Variants in NFIC observed in about 807,000 individuals in gnomAD.
NFIC encodes nuclear factor I C, also known as nuclear factor 1 C-type.
Under a neutral mutation model 54.4 loss-of-function variants are expected in NFIC, and 12 were observed. That is an observed-to-expected ratio of 0.22 (90% CI 0.14 to 0.36). The LOEUF is 0.36. Ranked by LOEUF, NFIC falls within the 10% of genes least tolerant of loss-of-function variation. The pLI, the probability that NFIC is intolerant of heterozygous loss-of-function variation, is 1.00. For missense variants in NFIC, 575 were observed against 718.2 expected, an observed-to-expected ratio of 0.80 and a Z score of 2.28; for synonymous variants, 322 against 319.2, an observed-to-expected ratio of 1.01 and a Z score of -0.09.
At chr19:3,436,601 A>C (rs1386804810) in intron 6 of NFIC, among the ~76,000 whole-genome samples, 1 of 151,590 alleles carries the variant, frequency 6.6e-6, no homozygotes, top group Non-Finnish European at 1.5e-5. Flanking sequence ...CAGCCTCCCA[A>C]GTAGCTGGGA....
rs373133973 is a variant in NFIC at position 3,412,769 on chromosome 19, AATT to A, written c.563-12331_563-12329del. Among the ~76,000 whole-genome samples, 123 of 152,208 alleles carry A rather than the reference AATT, an allele frequency of 8.1e-4. 1 individual carries two copies. The East Asian group carries it at 0.023, about 28-fold the overall frequency. ...CATCCGTACATGCAGATGTCGTTATAATTATTATCAATGCTATTCTGTCACTCC... is the reference window on the plus strand; with the variant it reads ...CATCCGTACATGCAGATGTCGTTATAATTATCAATGCTATTCTGTCACTCC... On this transcript the variant is annotated intron_variant, in intron 2 of 10. Transcript: ENST00000443272.
chr19:3,362,547 CTG>C (rs1815827352), upstream of NFIC, among the ~76,000 whole-genome samples: 2 of 151,676 alleles, frequency 1.3e-5, no homozygotes. Context: ...GTGTATGTAG[CTG>C]TGTGTCGTGT....
chr19:3,430,732 G>T (rs1490164470), intron 3 of NFIC, among the ~76,000 whole-genome samples: 1 of 151,288 alleles, frequency 6.6e-6, no homozygotes, highest in Non-Finnish European at 1.5e-5. Context: ...AGGAGTTCGA[G>T]ACCAGCCGGA....
In NFIC at chr19:3,377,760, C is replaced by T. The variant is rs116759167; in HGVS notation, c.31-3952C>T. On this transcript the variant is annotated intron_variant, in intron 1 of 10. Transcript: ENST00000443272. ...CTAAGTAGCTAGGACTACAGGTGTG[C>T]GCCACAGCAACTATGCCCAACTAAT... 2.5e-3 allele frequency among the ~76,000 whole-genome samples: 378 copies of T among 151,958 alleles called. 4 individuals carry two copies. Among genetic ancestry groups the T allele is most frequent in the African/African-American group, 8.7e-3 (361 of 41,430 alleles).
chr19:3,402,245 C>G (rs1414803770), intron 2 of NFIC, among the ~76,000 whole-genome samples: 1 of 152,178 alleles, frequency 6.6e-6, no homozygotes, highest in Non-Finnish European at 1.5e-5. Context: ...GGGGCTTTGT[C>G]ATGTTGACGA....
chr19:3,398,093 G>C (rs1226893541), intron 2 of NFIC, among the ~76,000 whole-genome samples: 1 of 152,188 alleles, frequency 6.6e-6, no homozygotes, highest in Non-Finnish European at 1.5e-5. Flanking sequence ...GGCGCCCACT[G>C]TGCATTGATA....
intron 1 of NFIC, among the ~76,000 whole-genome samples, chr19:3,372,466 G>T (rs563243775): frequency 6.6e-6 from 1 of 152,332 alleles, no homozygotes; most frequent in African/African-American, 2.4e-5. Context: ...TGCTTCAGTG[G>T]TCTGGATGCT....
At chr19:3,428,894 G>C (rs950831209) in intron 3 of NFIC, among the ~76,000 whole-genome samples, 4 of 152,012 alleles carry the variant, frequency 2.6e-5, no homozygotes, top group Admixed American at 2.6e-4. Context: ...ACTTCTCCTG[G>C]ACACTCGGGG....
At chr19:3,460,159 T>C (rs1475092810) in intron 10 of NFIC, among the ~76,000 whole-genome samples, 1 of 152,200 alleles carries the variant, frequency 6.6e-6, no homozygotes, top group East Asian at 1.9e-4. Flanking sequence ...AGAGTCATCC[T>C]CAGCCCCCCT....
At position 3,464,483 on chromosome 19, in the gene NFIC, G is replaced by T. The variant is rs576500960; in HGVS notation, c.*1714G>T. On this transcript the variant is annotated 3_prime_UTR_variant, in exon 11 of 11. Coordinates refer to ENST00000443272, the MANE Select transcript of NFIC (RefSeq NM_001245002.2). ...GGGGAGGCCTGGGAGGGGGTGTTAG[G>T]TGTTTTAGGGCCACCGAGCTCAAAC... 22 of 974,638 alleles carry T rather than the reference G, an allele frequency of 2.3e-5. No homozygotes were observed. Among genetic ancestry groups the T allele is most frequent in the Non-Finnish European group, 2.7e-5 (22 of 825,072 alleles). 60.4% of individuals were successfully genotyped at this position (974,638 alleles called of 1,614,324 possible).
Position 3,456,862 on chromosome 19 carries a change from C to T in NFIC, c.1509+227C>T, listed in dbSNP as rs1008720458. On this transcript the variant is annotated intron_variant, in intron 10 of 10. Transcript: ENST00000443272. ...GGATGGGGTGTGGCCCCAGACTCAG[C>T]CTGTGGGGTCCCCAGGAGCGTCTCT... 2.7e-4 allele frequency: 154 copies of T among 579,568 alleles called. 2 individuals are homozygous for T. The Admixed American group carries it at 4.5e-3, about 17-fold the overall frequency. 35.9% of individuals were successfully genotyped at this position (579,568 alleles called of 1,614,324 possible).
Position 3,461,283 on chromosome 19 carries a change from T to C in NFIC, c.1510-1469T>C, listed in dbSNP as rs891611734. ...AAAAAAAAAAAAAAAACTAGTCAGA[T>C]GTGGTGGAACATACCTGTGGTCCCA... On this transcript the variant is annotated intron_variant, in intron 10 of 10. Coordinates refer to ENST00000443272, the MANE Select transcript of NFIC (RefSeq NM_001245002.2). Among the ~76,000 whole-genome samples the C allele has an allele frequency of 2.7e-5, 4 of 146,808 alleles. No individual in the cohort carries two copies. In the South Asian group the frequency reaches 6.4e-4, roughly 23 times the overall value.
intron 6 of NFIC, among the ~76,000 whole-genome samples, chr19:3,436,804 A>T (rs2082210478): frequency 6.6e-6 from 1 of 152,070 alleles, no homozygotes; most frequent in Admixed American, 6.6e-5. Context: ...GCAGTATAAC[A>T]TTAGGATTAA....
chr19:3,435,151 C>T lies in NFIC; in HGVS notation c.902C>T (p.Thr301Ile). The change falls in exon 6 of 11, where the codon ACT (threonine) becomes ATT (isoleucine). Residue 301 changes from threonine to isoleucine, a missense_variant. Transcript: ENST00000443272. ...ACGAGCCCTGGCGGCGATTACTACA[C>T]TTCGCCCAGCTCGCCCACGAGTAGC... ...VDTSPGGDYY[T>I]SPSSPTSSSR... is the part of the protein sequence containing the mutation. 1 of 1,605,334 alleles carries T rather than the reference C, an allele frequency of 6.2e-7. No individual in the cohort carries two copies. Among genetic ancestry groups the T allele is most frequent in the Non-Finnish European group, 8.5e-7 (1 of 1,176,818 alleles).
At position 3,380,328 on chromosome 19, in the gene NFIC, T is replaced by G. The variant is rs547543371; in HGVS notation, c.31-1384T>G. ...CTTGTTCTTTTTTTTTTTTTTTTTT[T>G]TTTTTTGAGACAGTGTTTCACTCTT... On this transcript the variant is annotated intron_variant, in intron 1 of 10. Coordinates refer to ENST00000443272, the MANE Select transcript of NFIC (RefSeq NM_001245002.2). Among the ~76,000 whole-genome samples the G allele has an allele frequency of 1.6e-3, 226 of 137,134 alleles. 3 individuals are homozygous for G. The highest frequency in any genetic ancestry group is 0.014 in the Admixed American group (189 of 13,606). The allele number at this position is 137,134 out of a possible 152,430, so 90.0% of individuals were successfully genotyped here.
At chr19:3,438,340 T>G (rs541411367) in intron 6 of NFIC, among the ~76,000 whole-genome samples, 1 of 151,886 alleles carries the variant, frequency 6.6e-6, no homozygotes, top group East Asian at 1.9e-4. Context: ...ATCGCAGAGC[T>G]AGCAGGGAAT....
At chr19:3,385,072 G>C (rs1301511507) in intron 2 of NFIC, among the ~76,000 whole-genome samples, 1 of 130,520 alleles carries the variant, frequency 7.7e-6, no homozygotes, top group East Asian at 2.5e-4. Context: ...CCCCAGGTCA[G>C]GTTGGCCTCT....
intron 3 of NFIC, among the ~76,000 whole-genome samples, chr19:3,428,467 G>A (rs986562023): frequency 6.6e-6 from 1 of 151,512 alleles, no homozygotes; most frequent in African/African-American, 2.4e-5. Context: ...AAAAAGGAAA[G>A]GAAAAGAAGG....
chr19:3,425,183 T>C lies in NFIC; in HGVS notation c.634+6T>C, dbSNP rs2082008658. On this transcript the variant is annotated splice_donor_region_variant and intron_variant, in intron 3 of 10. Transcript: ENST00000443272. ...CAGCAAGCCCATCACGCTGGGTGAGTCTGGGGGCAGCGTGGCGGTGAAGGG... is the reference window on the plus strand; with the variant it reads ...CAGCAAGCCCATCACGCTGGGTGAGCCTGGGGGCAGCGTGGCGGTGAAGGG... 6.2e-7 allele frequency: 1 copy of C among 1,609,266 alleles called. No individual in the cohort carries two copies. Among genetic ancestry groups the C allele is most frequent in the Admixed American group, 1.7e-5 (1 of 59,708 alleles).
Sources: allele counts gnomAD v4.1 joint callset (sites outside exome capture counted in the v4.1 genomes callset), GRCh38; gene constraint gnomAD v4.1.1; transcripts MANE v1.5; gene names NCBI Gene and HGNC (gene_info 2026-07-23, HGNC 2026-07-21).